ERBIN: variants seen among roughly 807,000 people sequenced by gnomAD.
ERBIN encodes erbb2 interacting protein.
A neutral mutation model predicts 158.4 loss-of-function variants in ERBIN; 60 were observed. That is an observed-to-expected ratio of 0.38 (90% CI 0.31 to 0.47). The LOEUF is 0.47. ERBIN is among the 20% of genes least tolerant of loss of function. The probability of loss-of-function intolerance (pLI) is 0.99; values close to 1 mark genes in which losing one functional copy is unlikely to be tolerated. For synonymous variants in ERBIN, 594 were observed against 557.2 expected (o/e 1.07, Z -0.93); for missense variants, 1,610 against 1,648.0 (o/e 0.98, Z 0.40).
rs1194387828 is a variant in ERBIN, at chr5:66,054,054, G to T, written c.2736G>T (p.Arg912Ser). 6.2e-7 allele frequency: 1 copy of T among 1,614,066 alleles called. No homozygotes were observed. The highest frequency in any genetic ancestry group is 8.5e-7 in the Non-Finnish European group (1 of 1,180,020). The change falls in exon 21 of 26, where the codon AGG (arginine) becomes AGT (serine). Residue 912 changes from arginine to serine, a missense_variant. Physicochemically the swap from Arg to Ser is moderately radical, Grantham distance 110. Coordinates refer to ENST00000284037, the MANE Select transcript of ERBIN (RefSeq NM_001253697.2). ...TSAVDGKNIV[R>S]SKSATLLYDQ... ...CTGTTGATGGAAAAAATATAGTCAG[G>T]AGCAAGTCTGCCACACTGTTGTATG...
In ERBIN at chr5:66,018,586, T is replaced by TTATATATTATATAA. The variant is rs1554058906; in HGVS notation, c.534-2730_534-2729insTTATATAATATATA. Among the ~76,000 whole-genome samples the TTATATATTATATAA allele has an allele frequency of 3.9e-4, 3 of 7,670 alleles. 1 individual carries two copies. The highest frequency in any genetic ancestry group is 8.6e-4 in the Non-Finnish European group (3 of 3,504). 5.0% of individuals were successfully genotyped at this position (7,670 alleles called of 152,430 possible). A position where few individuals can be genotyped will look rare whatever the true frequency, so the allele number is the denominator to read the frequency against. The stretch of plus-strand genomic sequence containing the variant: ...TATATATTATATTATATAATATATA[T>TTATATATTATATAA]TATATAATATATATTATATATACAT... On this transcript the variant is annotated intron_variant, in intron 7 of 25. Transcript: ENST00000284037.
intron 22 of ERBIN, among the ~76,000 whole-genome samples, chr5:66,073,594 A>G (rs1761718214): frequency 6.6e-6 from 1 of 152,184 alleles, no homozygotes; most frequent in African/African-American, 2.4e-5. Flanking sequence ...TTAAAAATAC[A>G]AATCTATACC....
intron 17 of ERBIN, 73 bp downstream of exon 17, chr5:66,044,383 C>G: frequency 2.9e-6 from 4 of 1,364,036 alleles, no homozygotes; most frequent in Non-Finnish European, 4.0e-6. Flanking sequence ...GATATAGTGC[C>G]CCTTTTCATG....
At position 66,008,116 on chromosome 5, in the gene ERBIN, T is replaced by C. The variant is rs976383009; in HGVS notation, c.308-3933T>C. Among the ~76,000 whole-genome samples the C allele has an allele frequency of 2.6e-5, 4 of 152,270 alleles. No homozygotes were observed. The East Asian group carries it at 7.7e-4, about 29-fold the overall frequency. On this transcript the variant is annotated intron_variant, in intron 4 of 25. Coordinates refer to ENST00000284037, the MANE Select transcript of ERBIN (RefSeq NM_001253697.2). ...CTATGGAATAAAGTACTTTATAATA[T>C]AAAAAGTATGAAGTATTCAGGGCCA...
At chr5:66,071,713 C>T (rs976042232) in intron 21 of ERBIN, among the ~76,000 whole-genome samples, 1 of 149,024 alleles carries the variant, frequency 6.7e-6, no homozygotes, top group Admixed American at 6.7e-5. Flanking sequence ...ATTGAAAGAA[C>T]AGCAGTTAAT....
At chr5:66,019,915 C>T (rs1342406312) in intron 7 of ERBIN, among the ~76,000 whole-genome samples, 1 of 152,078 alleles carries the variant, frequency 6.6e-6, no homozygotes, top group South Asian at 2.1e-4. Flanking sequence ...TCACAATCTT[C>T]TTCACTTTTT....
chr5:66,040,817 C>A (rs750294869), intron 15 of ERBIN, among the ~76,000 whole-genome samples: 8 of 149,968 alleles, frequency 5.3e-5, no homozygotes, highest in Non-Finnish European at 8.9e-5. Context: ...AAAATTCTTG[C>A]CTTCAAGATT....
intron 1 of ERBIN, among the ~76,000 whole-genome samples, chr5:65,935,657 C>CA (rs1420124553): frequency 1.3e-5 from 2 of 152,150 alleles, no homozygotes; most frequent in South Asian, 2.1e-4. Flanking sequence ...TTACATTGGA[C>CA]AAGTTATTTG....
At chr5:65,992,670 A>T in intron 2 of ERBIN, 40 bp from the exon 3 acceptor site, 1 of 1,428,942 alleles carries the variant, frequency 7.0e-7, no homozygotes, top group Non-Finnish European at 9.5e-7. Context: ...AACCGTTGTA[A>T]TATGTATGTT....
Position 66,053,812 on chromosome 5 carries a change from T to G in ERBIN, c.2494T>G (p.Ser832Ala). 2 of 1,614,002 alleles carry G rather than the reference T, an allele frequency of 1.2e-6. No homozygotes were observed. The highest frequency in any genetic ancestry group is 1.7e-6 in the Non-Finnish European group (2 of 1,180,014). ...TGGACATTCTGAGGAAACTTCCCAG[T>G]CTCCTAATAGGACTGAACCACATGA... ...VNGHSEETSQ[S>A]PNRTEPHDSD... The change falls in exon 21 of 26, where the codon TCT (serine) becomes GCT (alanine). Residue 832 changes from serine (S) to alanine (A), a missense_variant. Ser to Ala is a moderately conservative substitution (Grantham distance 99, BLOSUM62 1). This residue lies in a region of ERBIN where 1,014 missense variants were observed against 936.1 expected (regional missense o/e 1.08). Coordinates refer to ENST00000284037, the MANE Select transcript of ERBIN (RefSeq NM_001253697.2).
intron 24 of ERBIN, 43 bp from the exon 25 acceptor site, chr5:66,076,832 A>C (rs773847912): frequency 1.4e-6 from 2 of 1,420,750 alleles, no homozygotes; most frequent in African/African-American, 1.4e-5. Context: ...TCTGTTATTT[A>C]TACATACTGT....
chr5:66,048,888 A>T (rs1341220965), intron 19 of ERBIN, 107 bp downstream of exon 19: 1 of 641,524 alleles, frequency 1.6e-6, no homozygotes, highest in African/African-American at 1.9e-5. Context: ...ACATTTTAGA[A>T]ACAAATTTTT....
chr5:66,015,157 A>G (rs1030946773), intron 7 of ERBIN, among the ~76,000 whole-genome samples: 5 of 152,260 alleles, frequency 3.3e-5, no homozygotes, highest in African/African-American at 1.2e-4. Context: ...TAGAAATGCG[A>G]TGATTGGTTC....
intron 1 of ERBIN, among the ~76,000 whole-genome samples, chr5:65,942,338 A>G (rs1031810419): frequency 2.0e-5 from 3 of 152,216 alleles, no homozygotes. Flanking sequence ...TATGTTCTGA[A>G]GAATACAGTT....
In ERBIN at chr5:66,026,325, T is replaced by C. The variant is rs753750805; in HGVS notation, c.1044T>C (p.Thr348=). ...AGATTGGAAGCTGGAAAAATATAACTGTGCTGTTTCTCCATTCCAATAAAC... is the reference window on the plus strand; with the variant it reads ...AGATTGGAAGCTGGAAAAATATAACCGTGCTGTTTCTCCATTCCAATAAAC... ...PPEIGSWKNI[T]VLFLHSNKLE... Residue 348 remains threonine (T), a synonymous_variant, in exon 13 of 26, where the codon ACT becomes ACC. Transcript: ENST00000284037. 3.8e-6 allele frequency: 6 copies of C among 1,590,978 alleles called. No individual in the cohort carries two copies. The highest frequency in any genetic ancestry group is 5.1e-6 in the Non-Finnish European group (6 of 1,171,068).
chr5:65,965,271 T>C (rs1748434023), intron 1 of ERBIN, among the ~76,000 whole-genome samples: 1 of 152,062 alleles, frequency 6.6e-6, no homozygotes, highest in East Asian at 1.9e-4. Flanking sequence ...CATTATGTGG[T>C]GGTCACACTG....
chr5:65,997,337 C>G (rs1752545530), intron 4 of ERBIN, among the ~76,000 whole-genome samples: 1 of 152,040 alleles, frequency 6.6e-6, no homozygotes, highest in South Asian at 2.1e-4. Flanking sequence ...TTGTCAAATG[C>G]TTTTTCTGCA....
intron 1 of ERBIN, among the ~76,000 whole-genome samples, chr5:65,984,364 T>C (rs1216534022): frequency 6.6e-6 from 1 of 152,206 alleles, no homozygotes; most frequent in Non-Finnish European, 1.5e-5. Flanking sequence ...GGGCCCCGTC[T>C]GTGCACTGGG....
At position 65,972,532 on chromosome 5, in the gene ERBIN, T is replaced by G. The variant is rs945892185; in HGVS notation, c.-57-16103T>G. Among the ~76,000 whole-genome samples the G allele has an allele frequency of 4.6e-5, 7 of 151,632 alleles. No homozygotes were observed. In the Middle Eastern group the frequency reaches 0.01, roughly 221 times the overall value. ...GAAAAATTTAAAGAATATTTGTTAC[T>G]TAAAATTAAGTACTTTCAAAATAAT... On this transcript the variant is annotated intron_variant, in intron 1 of 25. Coordinates refer to ENST00000284037, the MANE Select transcript of ERBIN (RefSeq NM_001253697.2).
Sources: gnomAD v4.1 joint callset for allele counts (sites outside exome capture counted in the v4.1 genomes callset) on GRCh38, gnomAD v4.1.1 for gene constraint, gnomAD v4.1.1 regional missense constraint, MANE v1.5 for transcripts, NCBI Gene and HGNC (gene_info 2026-07-23, HGNC 2026-07-21) for gene names.